ZAP70: variants seen among roughly 807,000 people sequenced by gnomAD.
ZAP70 encodes the protein tyrosine-protein kinase ZAP-70.
ZAP70 carries 27 observed loss-of-function variants against 65.8 expected under a neutral mutation model. That is an observed-to-expected ratio of 0.41 (90% CI 0.30 to 0.57). The LOEUF (loss-of-function observed/expected upper bound fraction) is 0.57, where lower values mean the gene tolerates loss of function less well. ZAP70 is among the 20% of genes least tolerant of loss of function. ZAP70 has a pLI of 0.28. For missense variants in ZAP70, 696 were observed against 870.5 expected (o/e 0.80, Z 2.52); for synonymous variants, 363 against 360.8 (o/e 1.01, Z -0.07).
chr2:97,732,729 G>A, intron 4 of ZAP70, 154 bp from the exon 5 acceptor site: 3 of 1,082,402 alleles, frequency 2.8e-6, no homozygotes, highest in Non-Finnish European at 4.0e-6. Flanking sequence ...AGATCTGGAG[G>A]TGATGGGGGC....
At chr2:97,740,910 T>G (rs1000436690), downstream of ZAP70, among the ~76,000 whole-genome samples, 5 of 152,198 alleles carry the variant, frequency 3.3e-5, no homozygotes, top group South Asian at 2.1e-4. Flanking sequence ...GTTTGAGAGA[T>G]AAAAGTGGGA....
At chr2:97,743,308 A>G (rs1034850483), downstream of ZAP70, among the ~76,000 whole-genome samples, 1 of 152,084 alleles carries the variant, frequency 6.6e-6, no homozygotes, top group Non-Finnish European at 1.5e-5. Context: ...TCTTTCTTAT[A>G]TCTGCCTGCT....
chr2:97,730,684 G>A (rs1027036272), intron 4 of ZAP70, among the ~76,000 whole-genome samples: 1 of 152,176 alleles, frequency 6.6e-6, no homozygotes, highest in East Asian at 1.9e-4. Flanking sequence ...CCCTAATATT[G>A]TGGCTGTTTT....
Position 97,734,505 on chromosome 2 carries a change from G to A in ZAP70, c.890-15G>A, listed in dbSNP as rs199612427. 9.9e-6 allele frequency: 16 copies of A among 1,611,516 alleles called. No homozygotes were observed. The highest frequency in any genetic ancestry group is 1.3e-5 in the African/African-American group (1 of 75,018). ...CCTGCCCCTGACCTGGGAGTGTACCGCTGTGTGTGCCCAGCACGCATAACG... is the reference window on the plus strand; with the variant it reads ...CCTGCCCCTGACCTGGGAGTGTACCACTGTGTGTGCCCAGCACGCATAACG... On this transcript the variant is annotated splice_polypyrimidine_tract_variant and intron_variant, in intron 8 of 13. Coordinates refer to ENST00000264972, the MANE Select transcript of ZAP70 (RefSeq NM_001079.4).
At chr2:97,719,356 A>C (rs1677072786) in intron 2 of ZAP70, among the ~76,000 whole-genome samples, 4 of 138,496 alleles carry the variant, frequency 2.9e-5, no homozygotes, top group South Asian at 2.7e-4. Flanking sequence ...GGGTGGGGGA[A>C]GGAGAGTGAG....
At chr2:97,729,384 C>T (rs1320419493) in intron 4 of ZAP70, among the ~76,000 whole-genome samples, 1 of 152,154 alleles carries the variant, frequency 6.6e-6, no homozygotes, top group Non-Finnish European at 1.5e-5. Flanking sequence ...ATCCTGGCTC[C>T]CCCTCCTATC....
chr2:97,753,741 G>A, the ZAP70 span, among the ~76,000 whole-genome samples: 4 of 152,156 alleles, frequency 2.6e-5, no homozygotes, highest in Non-Finnish European at 5.9e-5. Flanking sequence ...GGAGGCTGAC[G>A]CAGGAGGATC....
At position 97,733,883 on chromosome 2, in the gene ZAP70, CTGTG is replaced by C. The variant is rs1231747396; in HGVS notation, c.889+292_889+295del. On this transcript the variant is annotated intron_variant, in intron 8 of 13. Coordinates refer to ENST00000264972, the MANE Select transcript of ZAP70 (RefSeq NM_001079.4). ...ATGTGTCAGTCACGTTCCGAGGTCA[CTGTG>C]TGTATGAGCCACCGAACCCTCCTGA... 3 of 550,552 alleles carry C rather than the reference CTGTG, an allele frequency of 5.4e-6. No individual in the cohort carries two copies. The African/African-American group carries it at 5.7e-5, about 10-fold the overall frequency. The allele number at this position is 550,552 out of a possible 1,614,324, so 34.1% of individuals were successfully genotyped here. A position where few individuals can be genotyped will look rare whatever the true frequency, so the allele number is the denominator to read the frequency against.
At chr2:97,741,484 T>TC (rs1173809238), downstream of ZAP70, among the ~76,000 whole-genome samples, 59 of 150,978 alleles carry the variant, frequency 3.9e-4, no homozygotes, top group Admixed American at 3.9e-3. Context: ...CCGGGTGATG[T>TC]CCGCTAGGAA....
the ZAP70 span, among the ~76,000 whole-genome samples, chr2:97,751,700 T>A: frequency 6.6e-6 from 1 of 152,212 alleles, no homozygotes; most frequent in East Asian, 1.9e-4. Flanking sequence ...CTCAGGGTTC[T>A]GCAGGCTGTA....
chr2:97,724,837 CACA>C, intron 3 of ZAP70: 1 of 1,520,124 alleles, frequency 6.6e-7, no homozygotes, highest in South Asian at 1.2e-5. Context: ...CACCACCATG[CACA>C]ACTACCTGAA....
intron 4 of ZAP70, among the ~76,000 whole-genome samples, chr2:97,727,414 T>C (rs948356417): frequency 2.6e-5 from 4 of 152,224 alleles, no homozygotes; most frequent in African/African-American, 9.6e-5. Flanking sequence ...GGCTCCATCT[T>C]GCAGTACATG....
intron 4 of ZAP70, among the ~76,000 whole-genome samples, chr2:97,730,053 C>G (rs912738569): frequency 6.6e-6 from 1 of 152,042 alleles, no homozygotes; most frequent in Non-Finnish European, 1.5e-5. Flanking sequence ...ATGGTGAAAC[C>G]CTGTCTCTAC....
At chr2:97,753,831 A>T in the ZAP70 span, among the ~76,000 whole-genome samples, 1 of 151,562 alleles carries the variant, frequency 6.6e-6, no homozygotes, top group Non-Finnish European at 1.5e-5. Context: ...ATAAAAAAAT[A>T]AAAAAAAATT....
the ZAP70 span, among the ~76,000 whole-genome samples, chr2:97,752,525 C>T: frequency 2.4e-4 from 36 of 152,296 alleles, no homozygotes; most frequent in South Asian, 1.7e-3. Context: ...TTCTCAAGAC[C>T]GGTGAGATCA....
the ZAP70 span, chr2:97,756,227 T>C: frequency 6.6e-6 from 1 of 152,188 alleles, no homozygotes; most frequent in Non-Finnish European, 1.5e-5. Flanking sequence ...GCAAACCCCG[T>C]CTTAACCTGT....
the ZAP70 span, among the ~76,000 whole-genome samples, chr2:97,747,107 G>GT: frequency 6.6e-6 from 1 of 152,208 alleles, no homozygotes; most frequent in African/African-American, 2.4e-5. Flanking sequence ...TGCATTGCTG[G>GT]TGGGGATGTT....
chr2:97,733,871 GT>G (rs1176484388), intron 8 of ZAP70: 1 of 565,348 alleles, frequency 1.8e-6, no homozygotes, highest in African/African-American at 1.9e-5. Flanking sequence ...TGTCAGTCAC[GT>G]TCCGAGGTCA....
chr2:97,739,701 G>A lies in ZAP70; in HGVS notation c.*203G>A. Reference sequence around the variant, plus strand: ...GCTGGGGAGCAGGGAGGTCCGGGAGGGTGCGGCTGTGCAGCCTGTCCTGGG... The same window carrying A: ...GCTGGGGAGCAGGGAGGTCCGGGAGAGTGCGGCTGTGCAGCCTGTCCTGGG... On this transcript the variant is annotated 3_prime_UTR_variant, in exon 14 of 14. Transcript: ENST00000264972. The A allele has an allele frequency of 1.2e-6, 1 of 834,372 alleles. No individual in the cohort carries two copies. Among genetic ancestry groups the A allele is most frequent in the Non-Finnish European group, 1.8e-6 (1 of 547,688 alleles). The allele number at this position is 834,372 out of a possible 1,614,324, so 51.7% of individuals were successfully genotyped here.
Sources: gnomAD v4.1 joint callset for allele counts (sites outside exome capture counted in the v4.1 genomes callset) on GRCh38, gnomAD v4.1.1 for gene constraint, MANE v1.5 for transcripts, NCBI Gene and HGNC (gene_info 2026-07-23, HGNC 2026-07-21) for gene names.